Variants in GART observed in about 807,000 individuals in gnomAD.
GART encodes the protein phosphoribosylglycinamide formyltransferase, phosphoribosylglycinamide synthetase, phosphoribosylaminoimidazole synthetase, also known as trifunctional purine biosynthetic protein adenosine-3.
In GART, 43 loss-of-function variants were observed where a neutral mutation model predicts 107.2. That is an observed-to-expected ratio of 0.40 (90% CI 0.31 to 0.52). GART has a LOEUF of 0.52. Among genes scored for constraint, GART ranks in the 20% least tolerant of loss-of-function variants. The pLI is 0.52. For missense variants in GART, 1,107 were observed against 1,206.5 expected (o/e 0.92, Z 1.22); for synonymous variants, 434 against 427.0 (o/e 1.02, Z -0.20).
intron 11 of GART, chr21:33,523,921 C>G (rs1258469310): frequency 1.4e-6 from 1 of 725,968 alleles, no homozygotes; most frequent in African/African-American, 2.1e-5. Flanking sequence ...GAGGCGAGAT[C>G]ATGCCACTGC....
rs528936959 is a variant in GART, at chr21:33,536,553, T to C, written c.146-1233A>G. ...ACCACAGTGCTGAACGCTATATATA[T>C]AGTATGTTTTTTCCTATACATAAAC... On this transcript the variant is annotated intron_variant, in intron 2 of 21. Coordinates refer to ENST00000381815, the MANE Select transcript of GART (RefSeq NM_000819.5). Among the ~76,000 whole-genome samples the C allele has an allele frequency of 1.1e-4, 16 of 152,316 alleles. 1 individual carries two copies. Among genetic ancestry groups the C allele is most frequent in the Admixed American group, 5.2e-4 (8 of 15,302 alleles).
upstream of GART, chr21:33,542,809 A>G: frequency 1.9e-6 from 1 of 521,312 alleles, no homozygotes; most frequent in African/African-American, 1.9e-5. Context: ...GGTCGCCTCA[A>G]GAGAGACGGC....
chr21:33,525,869 C>CTTTTT (rs35893472), intron 10 of GART, among the ~76,000 whole-genome samples: 1 of 135,032 alleles, frequency 7.4e-6, no homozygotes, highest in Non-Finnish European at 1.6e-5. Flanking sequence ...AGGGAACTTC[C>CTTTTT]TTTTTTTTTT....
At chr21:33,524,745 C>T in intron 11 of GART, 24 bp downstream of exon 11, 4 of 1,613,918 alleles carry the variant, frequency 2.5e-6, no homozygotes, top group Non-Finnish European at 3.4e-6. Flanking sequence ...AATGGCACTA[C>T]AGCTAACTTG....
chr21:33,532,561 C>A (rs1003268180), intron 4 of GART, 105 bp from the exon 5 acceptor site: 1 of 822,334 alleles, frequency 1.2e-6, no homozygotes, highest in Non-Finnish European at 2.0e-6. Flanking sequence ...GACTGAAAAG[C>A]AGAAAGAAAA....
At chr21:33,539,469 G>C in intron 1 of GART, 113 bp from the exon 2 acceptor site, 1 of 641,644 alleles carries the variant, frequency 1.6e-6, no homozygotes, top group Non-Finnish European at 2.5e-6. Flanking sequence ...GAGGCAGGTG[G>C]ATCACTTGAG....
chr21:33,535,972 G>A (rs2085297525), intron 2 of GART, among the ~76,000 whole-genome samples: 1 of 151,838 alleles, frequency 6.6e-6, no homozygotes, highest in Non-Finnish European at 1.5e-5. Flanking sequence ...AGGTTGCAGT[G>A]AGCCAAGATC....
At chr21:33,525,620 G>A (rs2085059021) in intron 10 of GART, among the ~76,000 whole-genome samples, 2 of 152,012 alleles carry the variant, frequency 1.3e-5, no homozygotes, top group South Asian at 4.2e-4. Context: ...TAGTAGAGAC[G>A]GGGTTTGAAA....
At chr21:33,528,679 A>G in intron 8 of GART, 75 bp from the exon 9 acceptor site, 2 of 1,100,984 alleles carry the variant, frequency 1.8e-6, no homozygotes, top group Non-Finnish European at 2.6e-6. Flanking sequence ...CAAATATAAA[A>G]TCTACTACAT....
At chr21:33,532,961 G>A (rs930155799) in intron 4 of GART, among the ~76,000 whole-genome samples, 12 of 151,616 alleles carry the variant, frequency 7.9e-5, no homozygotes, top group African/African-American at 2.9e-4. Context: ...AATATTCAGT[G>A]TTTAAGAAAC....
intron 2 of GART, among the ~76,000 whole-genome samples, chr21:33,537,190 G>A (rs188694251): frequency 6.6e-6 from 1 of 152,292 alleles, no homozygotes; most frequent in Non-Finnish European, 1.5e-5. Flanking sequence ...AAGAGATTTT[G>A]ATGGGCTTGC....
intron 10 of GART, among the ~76,000 whole-genome samples, chr21:33,527,075 G>A (rs2085087345): frequency 6.6e-6 from 1 of 152,200 alleles, no homozygotes; most frequent in Admixed American, 6.5e-5. Flanking sequence ...TTTTACCAAT[G>A]CAAGGGATCT....
At chr21:33,509,042 T>A (rs1433828644) in intron 18 of GART, 3 of 152,226 alleles carry the variant, frequency 2.0e-5, no homozygotes, top group African/African-American at 7.2e-5. Context: ...CATTAAAACC[T>A]TAAGATCGAC....
chr21:33,523,998 A>G, intron 11 of GART: 1 of 981,314 alleles, frequency 1.0e-6, no homozygotes, highest in South Asian at 4.7e-5. Context: ...AAAGAAATCA[A>G]AACACCCACA....
At chr21:33,524,376 C>T in intron 11 of GART, 1 of 696,670 alleles carries the variant, frequency 1.4e-6, no homozygotes, top group Non-Finnish European at 1.8e-6. Flanking sequence ...TGGTGAAACC[C>T]CATCTCCACA....
intron 10 of GART, among the ~76,000 whole-genome samples, 155 bp downstream of exon 10, chr21:33,528,012 A>G (rs1392282751): frequency 6.6e-6 from 1 of 152,210 alleles, no homozygotes. Flanking sequence ...ATATTTGAAC[A>G]CACATATCCA....
chr21:33,532,065 A>T (rs947464360), intron 5 of GART: 2 of 331,624 alleles, frequency 6.0e-6, no homozygotes, highest in African/African-American at 2.2e-5. Flanking sequence ...ATGGCTTGAT[A>T]ATTTATTTAT....
rs1321187276 is a variant in GART at position 33,504,544 on chromosome 21, G to C, written c.2726-17C>G. ...GCATTTTTCCTAAAAATTAAAAAAA[G>C]CATAGTGGTCAGAATTTAAAAATCC... On this transcript the variant is annotated splice_polypyrimidine_tract_variant and intron_variant, in intron 20 of 21. Transcript: ENST00000381815. 1 of 1,546,966 alleles carries C rather than the reference G, an allele frequency of 6.5e-7. No homozygotes were observed. The highest frequency in any genetic ancestry group is 8.9e-7 in the Non-Finnish European group (1 of 1,121,094).
At chr21:33,528,393 T>G in intron 9 of GART, 58 bp from the exon 10 acceptor site, 1 of 1,586,024 alleles carries the variant, frequency 6.3e-7, no homozygotes, top group South Asian at 1.1e-5. Flanking sequence ...CTTAAACATT[T>G]TATTCACTGG....
Sources: allele counts gnomAD v4.1 joint callset (sites outside exome capture counted in the v4.1 genomes callset), GRCh38; gene constraint gnomAD v4.1.1; transcripts MANE v1.5; gene names NCBI Gene and HGNC (gene_info 2026-07-23, HGNC 2026-07-21).